METTL26: variants seen among roughly 807,000 people sequenced by gnomAD.
METTL26 encodes the protein methyltransferase like 26, also known as methyltransferase-like 26.
A neutral mutation model predicts 24.7 loss-of-function variants in METTL26; 28 were observed. That is an observed-to-expected ratio of 1.13 (90% CI 0.84 to 1.55). The LOEUF (loss-of-function observed/expected upper bound fraction) is 1.55. Among genes scored for constraint, METTL26 ranks in the 40% most tolerant of loss-of-function variants. METTL26 has a pLI of 0.00. For synonymous variants in METTL26, 165 were observed against 125.2 expected (o/e 1.32, Z -2.12); for missense variants, 344 against 281.2 (o/e 1.22, Z -1.60).
Position 635,708 on chromosome 16 carries a change from C to G in METTL26, c.264G>C (p.Thr88=), listed in dbSNP as rs13335061. 1.3e-6 allele frequency: 2 copies of G among 1,568,382 alleles called. No individual in the cohort carries two copies. Among genetic ancestry groups the G allele is most frequent in the East Asian group, 2.3e-5 (1 of 42,740 alleles). Residue 88 remains threonine, a synonymous_variant, in exon 2 of 6, where the codon ACG becomes ACC. Transcript: ENST00000301686. The part of the protein sequence containing the change: ...NVKAPLHLDV[T]WGWEHWGGIL... Reference sequence around the variant, plus strand: ...TCCCGCCCCAGTGCTCCCAGCCCCACGTCACGTCCAGGTGTAGCGGGGCCT... The same window carrying G: ...TCCCGCCCCAGTGCTCCCAGCCCCAGGTCACGTCCAGGTGTAGCGGGGCCT...
chr16:634,813 A>C lies in METTL26; in HGVS notation c.489-16T>G. On this transcript the variant is annotated splice_polypyrimidine_tract_variant and intron_variant, in intron 4 of 5. Transcript: ENST00000301686. ...TTCTGGGTTCCTGCAGAGGGTGGGG[A>C]GATGGAGTCATGGCCTGGGGGGTGC... 6.2e-7 allele frequency: 1 copy of C among 1,603,024 alleles called. No individual in the cohort carries two copies. The highest frequency in any genetic ancestry group is 8.5e-7 in the Non-Finnish European group (1 of 1,174,742).
Position 635,521 on chromosome 16 carries a change from G to A in METTL26, c.360+91C>T, listed in dbSNP as rs535112067. 160 of 1,503,804 alleles carry A rather than the reference G, an allele frequency of 1.1e-4. No homozygotes were observed. In the East Asian group the frequency reaches 3.8e-3, roughly 36 times the overall value. 93.2% of individuals were successfully genotyped at this position (1,503,804 alleles called of 1,614,324 possible). A position where few individuals can be genotyped will look rare whatever the true frequency, so the allele number is the denominator to read the frequency against. On this transcript the variant is annotated intron_variant, in intron 2 of 5. Transcript: ENST00000301686. ...GGGGGAGGCTGGAGACCCTCACCCC[G>A]ACTGTGATGGGGGCAAATCTGGCAT...
At position 635,770 on chromosome 16, in the gene METTL26, C is replaced by T; in HGVS notation, c.202G>A (p.Ala68Thr). ...AGGCCCTGGGCTTGCGTGGTGGCCG[C>T]GATGCTGCAGGAGGCGAACGCTTGG... ...DVDQRCLDSI[A>T]ATTQAQGLTN... Residue 68 changes from alanine to threonine, a missense_variant, in exon 2 of 6, where the codon GCG becomes ACG. Coordinates refer to ENST00000301686, the MANE Select transcript of METTL26 (RefSeq NM_032366.5). 2 of 1,565,602 alleles carry T rather than the reference C, an allele frequency of 1.3e-6. No homozygotes were observed. Among genetic ancestry groups the T allele is most frequent in the Admixed American group, 1.8e-5 (1 of 54,756 alleles).
At chr16:634,832 G>A (rs1358020288) in intron 4 of METTL26, 35 bp from the exon 5 acceptor site, 1 of 1,590,942 alleles carries the variant, frequency 6.3e-7, no homozygotes, top group East Asian at 2.3e-5. Context: ...CATGGCCTGG[G>A]GGGTGCCACC....
chr16:636,003 G>T, intron 1 of METTL26, 91 bp downstream of exon 1: 1 of 1,436,802 alleles, frequency 7.0e-7, no homozygotes, highest in Non-Finnish European at 9.1e-7. Context: ...CAGAGCCCGA[G>T]CCGCATCCTT....
chr16:636,226 A>C lies in METTL26; in HGVS notation c.65T>G (p.Leu22Arg). The C allele has an allele frequency of 4.7e-6, 7 of 1,492,244 alleles. No homozygotes were observed. Among genetic ancestry groups the C allele is most frequent in the Non-Finnish European group, 4.4e-6 (5 of 1,127,226 alleles). The allele number at this position is 1,492,244 out of a possible 1,614,324, so 92.4% of individuals were successfully genotyped here. The change falls in exon 1 of 6, where the codon CTG becomes CGG. Residue 22 changes from leucine to arginine, a missense_variant. By Grantham distance (102) the Leu-to-Arg change is moderately radical. Coordinates refer to ENST00000301686, the MANE Select transcript of METTL26 (RefSeq NM_032366.5). ...GCGGACGCCACGCTGGGCCGGATCCAGGTACTGCCGCAGCACGTGCAAGAT... is the reference window on the plus strand; with the variant it reads ...GCGGACGCCACGCTGGGCCGGATCCCGGTACTGCCGCAGCACGTGCAAGAT... ...DPILHVLRQY[L>R]DPAQRGVRVL... is the part of the protein sequence containing the mutation.
chr16:636,006 G>A, intron 1 of METTL26, 88 bp downstream of exon 1: 6 of 1,436,236 alleles, frequency 4.2e-6, no homozygotes, highest in East Asian at 2.6e-5. Flanking sequence ...AGCCCGAGCC[G>A]CATCCTTTTC....
Position 634,925 on chromosome 16 carries a change from T to C in METTL26, c.452A>G (p.Gln151Arg). The part of the protein sequence containing the change: ...PYAINGKISP[Q>R]SNVDFDLMLR... The stretch of plus-strand genomic sequence containing the variant: ...CATCAGGTCAAAGTCCACGTTGCTC[T>C]GGGGGGAGATCTTCCCATTGATGGC... The change falls in exon 4 of 6, where the codon CAG becomes CGG. Residue 151 changes from glutamine (Q) to arginine (R), a missense_variant. By Grantham distance (43) the Gln-to-Arg change is conservative. Transcript: ENST00000301686. 6.2e-7 allele frequency: 1 copy of C among 1,606,658 alleles called. No homozygotes were observed. The highest frequency in any genetic ancestry group is 1.1e-5 in the South Asian group (1 of 90,076).
chr16:634,509 C>T lies in METTL26; in HGVS notation c.*88G>A, dbSNP rs758815121. 4.2e-5 allele frequency: 67 copies of T among 1,610,048 alleles called. 1 individual carries two copies. In the South Asian group the frequency reaches 6.0e-4, roughly 15 times the overall value. ...GAGAGCACAGACTGGGTGGGGCTGT[C>T]GTCCACAAGGTCCGGCCTAGGGAGG... On this transcript the variant is annotated 3_prime_UTR_variant, in exon 6 of 6. Coordinates refer to ENST00000301686, the MANE Select transcript of METTL26 (RefSeq NM_032366.5).
Position 634,503 on chromosome 16 carries a change from G to C in METTL26, c.*94C>G. The C allele has an allele frequency of 6.2e-7, 1 of 1,606,542 alleles. No homozygotes were observed. Among genetic ancestry groups the C allele is most frequent in the Non-Finnish European group, 8.5e-7 (1 of 1,174,378 alleles). ...GCGGCTGAGAGCACAGACTGGGTGGGGCTGTCGTCCACAAGGTCCGGCCTA... is the reference window on the plus strand; with the variant it reads ...GCGGCTGAGAGCACAGACTGGGTGGCGCTGTCGTCCACAAGGTCCGGCCTA... On this transcript the variant is annotated 3_prime_UTR_variant, in exon 6 of 6. Coordinates refer to ENST00000301686, the MANE Select transcript of METTL26 (RefSeq NM_032366.5).
chr16:635,336 AG>A lies in METTL26; in HGVS notation c.364del (p.Leu122SerfsTer37), dbSNP rs1359940489. On this transcript the variant is annotated frameshift_variant, in exon 3 of 6. Coordinates refer to ENST00000301686, the MANE Select transcript of METTL26 (RefSeq NM_032366.5). LOFTEE classifies it high-confidence loss of function. ...HVSPLRCTEGLFRAAGHLLKP... is the reference protein window; with the variant it reads ...HVSPLRCTEGXFRAAGHLLKP... ...GAGCAGGTGTCCTGCTGCTCTGAAG[AG>A]CCCCTGGTGAGTAGGAACAGGACGG... 2 of 1,599,070 alleles carry A rather than the reference AG, an allele frequency of 1.3e-6. No individual in the cohort carries two copies. The highest frequency in any genetic ancestry group is 1.7e-6 in the Non-Finnish European group (2 of 1,172,980).
intron 2 of METTL26, 113 bp downstream of exon 2, chr16:635,499 G>T (rs571456533): frequency 2.6e-6 from 3 of 1,167,754 alleles, no homozygotes; most frequent in Non-Finnish European, 3.7e-6. Flanking sequence ...CTGTGATGGG[G>T]GAGGCTGGAG....
intron 1 of METTL26, 125 bp from the exon 2 acceptor site, chr16:635,899 G>A (rs1395287199): frequency 1.5e-6 from 2 of 1,376,980 alleles, no homozygotes; most frequent in South Asian, 2.9e-5. Context: ...CGGCTGGGAA[G>A]GGGGACCCCG....
At chr16:635,466 G>A (rs1596439137) in intron 2 of METTL26, 126 bp from the exon 3 acceptor site, 1 of 613,902 alleles carries the variant, frequency 1.6e-6, no homozygotes, top group South Asian at 1.9e-5. Context: ...TGTGATGGGG[G>A]AGGCTGGAGA....
In METTL26 at chr16:634,891, G is replaced by A; in HGVS notation, c.486C>T (p.Cys162=). ...SNVDFDLMLR[C]RNPEWGLRDT... is the part of the protein sequence containing the mutation. ...GACCCCCCGCCTCTAGCTCTGACCT[G>A]CATCTGAGCATCAGGTCAAAGTCCA... Residue 162 remains cysteine, a splice_region_variant and synonymous_variant, in exon 4 of 6, where the codon TGC becomes TGT. Transcript: ENST00000301686. 1 of 1,600,322 alleles carries A rather than the reference G, an allele frequency of 6.2e-7. No individual in the cohort carries two copies. The highest frequency in any genetic ancestry group is 8.5e-7 in the Non-Finnish European group (1 of 1,173,796).
chr16:634,959 G>A lies in METTL26; in HGVS notation c.421-3C>T. 6.3e-7 allele frequency: 1 copy of A among 1,599,276 alleles called. No individual in the cohort carries two copies. The highest frequency in any genetic ancestry group is 8.5e-7 in the Non-Finnish European group (1 of 1,173,846). Reference sequence around the variant, plus strand: ...ATCTTCCCATTGATGGCATAGGGCTGTGGGCATGGGGACACAGCCCACTGG... The same window carrying A: ...ATCTTCCCATTGATGGCATAGGGCTATGGGCATGGGGACACAGCCCACTGG... On this transcript the variant is annotated splice_region_variant and splice_polypyrimidine_tract_variant and intron_variant, in intron 3 of 5. Coordinates refer to ENST00000301686, the MANE Select transcript of METTL26 (RefSeq NM_032366.5).
intron 1 of METTL26, 61 bp from the exon 2 acceptor site, chr16:635,835 C>A: frequency 6.8e-7 from 1 of 1,478,650 alleles, no homozygotes; most frequent in East Asian, 2.4e-5. Context: ...TCCGACGCCC[C>A]CACAGAATTT....
chr16:635,864 G>A (rs987079300), intron 1 of METTL26, 90 bp from the exon 2 acceptor site: 1 of 1,442,938 alleles, frequency 6.9e-7, no homozygotes, highest in Non-Finnish European at 9.2e-7. Context: ...AGGCTGGGGG[G>A]CACGTTGAGG....
chr16:635,279 A>G lies in METTL26; in HGVS notation c.420+2T>C. 6.3e-7 allele frequency: 1 copy of G among 1,578,764 alleles called. No homozygotes were observed. The stretch of plus-strand genomic sequence containing the variant: ...AGGCCCGCCGTGGACAGGCCCACTC[A>G]CCCCGTAGGTGATGAGCAGGGCCCT... On this transcript the variant is annotated splice_donor_variant, in intron 3 of 5. Coordinates refer to ENST00000301686, the MANE Select transcript of METTL26 (RefSeq NM_032366.5). LOFTEE classifies it high-confidence loss of function.
Sources: gnomAD v4.1 joint callset for allele counts on GRCh38, gnomAD v4.1.1 for gene constraint, MANE v1.5 for transcripts, NCBI Gene and HGNC (gene_info 2026-07-23, HGNC 2026-07-21) for gene names.